Variants in CHD8 observed in about 807,000 individuals in gnomAD.
CHD8 encodes chromodomain helicase DNA binding protein 8, also known as ATP-dependent chromatin remodeler CHD8.
CHD8 carries 31 observed loss-of-function variants against 279.2 expected under a neutral mutation model. The ratio of observed to expected loss-of-function variants is 0.11; its 90% CI spans 0.08 to 0.15. CHD8 has a LOEUF of 0.15. Among genes scored for constraint, CHD8 ranks in the 10% least tolerant of loss-of-function variants. The probability of loss-of-function intolerance (pLI) is 1.00; values close to 1 mark genes in which losing one functional copy is unlikely to be tolerated. For missense variants in CHD8, 2,146 were observed against 3,230.5 expected (o/e 0.66, Z 8.14); for synonymous variants, 1,081 against 1,139.6 (o/e 0.95, Z 1.04).
chr14:21,409,364 G>A (rs1056750519), intron 11 of CHD8, among the ~76,000 whole-genome samples: 24 of 152,174 alleles, frequency 1.6e-4, no homozygotes, highest in Admixed American at 1.4e-3. Flanking sequence ...AACGGAGGGA[G>A]AGGAGGAGAT....
intron 1 of CHD8, among the ~76,000 whole-genome samples, chr14:21,433,355 A>G (rs948123947): frequency 1.3e-5 from 2 of 152,250 alleles, no homozygotes; most frequent in African/African-American, 4.8e-5. Context: ...TATCAAAGAC[A>G]GGGAAGTATA....
At chr14:21,389,130 T>C (rs190214202) in intron 37 of CHD8, among the ~76,000 whole-genome samples, 25 of 151,844 alleles carry the variant, frequency 1.6e-4, no homozygotes, top group African/African-American at 5.1e-4. Context: ...TGAAACCCCG[T>C]CTCTACTAAA....
Position 21,393,136 on chromosome 14 carries a change from C to T in CHD8, c.6438G>A (p.Gln2146=). The change falls in exon 33 of 38, where the codon CAG becomes CAA. Residue 2146 remains glutamine, a synonymous_variant. Transcript: ENST00000646647. ...GCCACTCAGAGGCTCTTTGTCTTTC[C>T]TGCAGTAGCAGAAGCTCAGGGGTCA... ...EQMTPELLLL[Q]ERQRASEWPK... is the part of the protein sequence containing the mutation. 3.1e-6 allele frequency: 5 copies of T among 1,613,876 alleles called. No homozygotes were observed. Among genetic ancestry groups the T allele is most frequent in the Non-Finnish European group, 4.2e-6 (5 of 1,179,874 alleles).
chr14:21,392,025 G>A (rs1292275787), intron 34 of CHD8, 79 bp from the exon 35 acceptor site: 6 of 1,014,922 alleles, frequency 5.9e-6, no homozygotes, highest in Non-Finnish European at 9.4e-6. Context: ...GAGGGATGTG[G>A]GCTATAGGTC....
chr14:21,424,203 T>C (rs1467026970), intron 5 of CHD8, among the ~76,000 whole-genome samples: 5 of 152,202 alleles, frequency 3.3e-5, no homozygotes, highest in East Asian at 3.8e-4. Context: ...ATTTTTAAGA[T>C]GGCAAAAAAA....
At chr14:21,453,543 C>A (rs1212698641) in intron 1 of CHD8, among the ~76,000 whole-genome samples, 3 of 151,842 alleles carry the variant, frequency 2.0e-5, no homozygotes, top group African/African-American at 7.3e-5. Flanking sequence ...AAATATTATA[C>A]CACAATGGTC....
intron 3 of CHD8, 74 bp from the exon 4 acceptor site, chr14:21,428,328 A>AG: frequency 1.4e-6 from 2 of 1,395,480 alleles, no homozygotes; most frequent in Non-Finnish European, 9.8e-7. Context: ...GCTCTGAAGC[A>AG]GGGGGGCTAG....
chr14:21,432,209 G>C (rs1489159953), intron 1 of CHD8, among the ~76,000 whole-genome samples: 1 of 152,108 alleles, frequency 6.6e-6, no homozygotes, highest in Non-Finnish European at 1.5e-5. Flanking sequence ...TTTTAAGTTA[G>C]TAGAACTCAA....
chr14:21,420,688 G>C lies in CHD8; in HGVS notation c.1717-4781C>G, dbSNP rs111704937. The stretch of plus-strand genomic sequence containing the variant: ...GTGGAAGTAGAAGTAGAGTGTTCAT[G>C]AAAGTAAGAAATATTTCTAGAAGGG... On this transcript the variant is annotated intron_variant, in intron 5 of 37. Transcript: ENST00000646647. Among the ~76,000 whole-genome samples the C allele has an allele frequency of 9.4e-3, 1,427 of 152,232 alleles. 24 individuals are homozygous for C. The highest frequency in any genetic ancestry group is 0.032 in the African/African-American group (1,332 of 41,548).
In CHD8 at chr14:21,401,150, A is replaced by AT. The variant is rs532520194; in HGVS notation, c.4174-80dup. The AT allele has an allele frequency of 1.1e-4, 118 of 1,079,212 alleles. No homozygotes were observed. In the African/African-American group the frequency reaches 1.8e-3, roughly 16 times the overall value. 66.9% of individuals were successfully genotyped at this position (1,079,212 alleles called of 1,614,324 possible). On this transcript the variant is annotated intron_variant, in intron 21 of 37. Coordinates refer to ENST00000646647, the MANE Select transcript of CHD8 (RefSeq NM_001170629.2). ...AAGAATAAGACAATTAGGGATTACA[A>AT]TAACATTGGATGTAACGTGTAGATA...
At chr14:21,428,880 CAAG>C in intron 3 of CHD8, 81 bp downstream of exon 3, 2 of 1,309,906 alleles carry the variant, frequency 1.5e-6, no homozygotes, top group South Asian at 1.4e-5. Flanking sequence ...GCCCCACATT[CAAG>C]AATAAGTGGT....
At chr14:21,446,361 G>A (rs1890121735) in intron 1 of CHD8, among the ~76,000 whole-genome samples, 1 of 138,066 alleles carries the variant, frequency 7.2e-6, no homozygotes, top group Non-Finnish European at 1.5e-5. Flanking sequence ...TGTCACCCAA[G>A]CTGGAGGTGG....
Position 21,403,796 on chromosome 14 carries a change from A to G in CHD8, c.3308-133T>C. On this transcript the variant is annotated intron_variant, in intron 16 of 37. Transcript: ENST00000646647. This position sits in a 1 kb window ranked among gnomAD's most constrained non-coding sequence, Gnocchi z 4.3. ...CAACATTTCTCACACACAGAATTTC[A>G]GCACAAAAAAGTCTTAAATCGGCTG... 1 of 805,476 alleles carries G rather than the reference A, an allele frequency of 1.2e-6. No homozygotes were observed. The highest frequency in any genetic ancestry group is 2.0e-6 in the Non-Finnish European group (1 of 509,710). 49.9% of individuals were successfully genotyped at this position (805,476 alleles called of 1,614,324 possible). A position where few individuals can be genotyped will look rare whatever the true frequency, so the allele number is the denominator to read the frequency against.
intron 1 of CHD8, among the ~76,000 whole-genome samples, chr14:21,441,820 C>T (rs182617791): frequency 6.7e-4 from 102 of 152,166 alleles, no homozygotes; most frequent in African/African-American, 2.3e-3. Context: ...ACCCGGGAGG[C>T]GGAGCTTGCA....
chr14:21,407,969 T>G (rs1566427384), intron 13 of CHD8, among the ~76,000 whole-genome samples: 1 of 152,078 alleles, frequency 6.6e-6, no homozygotes, highest in Non-Finnish European at 1.5e-5. Flanking sequence ...GGAAAAGAAA[T>G]AAGCTCACCA....
rs536911655 is a variant in CHD8 at position 21,415,542 on chromosome 14, T to A, written c.1968+32A>T. ...ATAAATAAATAAATAAATAAATAAA[T>A]AAAAATAATAATAATAATAAAAAGC... On this transcript the variant is annotated intron_variant, in intron 7 of 37. Coordinates refer to ENST00000646647, the MANE Select transcript of CHD8 (RefSeq NM_001170629.2). 289 of 1,078,872 alleles carry A rather than the reference T, an allele frequency of 2.7e-4. 1 individual carries two copies. The highest frequency in any genetic ancestry group is 9.6e-4 in the Middle Eastern group (3 of 3,140). 66.8% of individuals were successfully genotyped at this position (1,078,872 alleles called of 1,614,324 possible). A position where few individuals can be genotyped will look rare whatever the true frequency, so the allele number is the denominator to read the frequency against.
intron 27 of CHD8, 166 bp downstream of exon 27, chr14:21,397,657 A>G (rs1002390900): frequency 1.3e-5 from 8 of 614,106 alleles, no homozygotes; most frequent in Non-Finnish European, 2.0e-5. Context: ...TTATGGCAAC[A>G]TGTGGTTTAT....
intron 10 of CHD8, among the ~76,000 whole-genome samples, chr14:21,410,832 C>G (rs1421584155): frequency 6.6e-6 from 1 of 152,220 alleles, no homozygotes; most frequent in Non-Finnish European, 1.5e-5. Context: ...TCTCGAATCT[C>G]TGGAATTGAT....
chr14:21,425,619 C>G (rs908929277), intron 5 of CHD8: 1 of 152,332 alleles, frequency 6.6e-6, no homozygotes, highest in African/African-American at 2.4e-5. Flanking sequence ...GCCACCACGC[C>G]TGGCCAAGTA....
Sources: gnomAD v4.1 joint callset for allele counts (sites outside exome capture counted in the v4.1 genomes callset) on GRCh38, gnomAD v4.1.1 for gene constraint, Gnocchi (gnomAD v3.1) non-coding constraint, MANE v1.5 for transcripts, NCBI Gene and HGNC (gene_info 2026-07-23, HGNC 2026-07-21) for gene names.